Variants in ARFGEF2 observed in about 807,000 individuals in gnomAD.
ARFGEF2 encodes the protein brefeldin A-inhibited guanine nucleotide-exchange protein 2.
In ARFGEF2, 74 loss-of-function variants were observed where a neutral mutation model predicts 219.9. The ratio of observed to expected loss-of-function variants is 0.34; its 90% CI spans 0.28 to 0.41. The LOEUF (loss-of-function observed/expected upper bound fraction) is 0.41, where lower values mean the gene tolerates loss of function less well. Among genes scored for constraint, ARFGEF2 ranks in the 10% least tolerant of loss-of-function variants. The pLI is 1.00. For synonymous variants in ARFGEF2, 733 were observed against 799.2 expected (o/e 0.92, Z 1.40); for missense variants, 1,743 against 2,218.3 (o/e 0.79, Z 4.30).
intron 19 of ARFGEF2, 31 bp downstream of exon 19, chr20:48,989,467 G>T (rs1035140683): frequency 1.2e-6 from 2 of 1,614,174 alleles, no homozygotes. Flanking sequence ...GCAAGCATGT[G>T]GCTAAGCCTG....
At chr20:49,003,846 T>A (rs945501258) in intron 25 of ARFGEF2, among the ~76,000 whole-genome samples, 3 of 152,110 alleles carry the variant, frequency 2.0e-5, no homozygotes, top group Admixed American at 2.0e-4. Flanking sequence ...CAAGTACAAT[T>A]TTTAAGGAAA....
At chr20:48,939,612 G>A (rs57695368) in intron 1 of ARFGEF2, among the ~76,000 whole-genome samples, 6,958 of 152,226 alleles carry the variant, frequency 0.046, 487 homozygotes, top group African/African-American at 0.15. Flanking sequence ...TCCCTGAGGG[G>A]CAAGATCCAT....
At chr20:48,985,016 T>C (rs544284693) in intron 15 of ARFGEF2, 176 bp downstream of exon 15, 3 of 678,216 alleles carry the variant, frequency 4.4e-6, no homozygotes, top group Non-Finnish European at 5.5e-6. Flanking sequence ...TCCCGTTGGC[T>C]AGTGTTGCAG....
chr20:49,027,726 G>A (rs944319851), intron 36 of ARFGEF2, among the ~76,000 whole-genome samples: 1 of 149,028 alleles, frequency 6.7e-6, no homozygotes, highest in African/African-American at 2.5e-5. Context: ...ATGAAGAACA[G>A]TACAGGGCAT....
At chr20:48,933,657 G>A (rs2090928097) in intron 1 of ARFGEF2, among the ~76,000 whole-genome samples, 1 of 152,090 alleles carries the variant, frequency 6.6e-6, no homozygotes, top group African/African-American at 2.4e-5. Flanking sequence ...CAAGAGAACT[G>A]ACATTTATTG....
chr20:48,972,664 G>A (rs992995821), intron 11 of ARFGEF2, among the ~76,000 whole-genome samples: 5 of 152,112 alleles, frequency 3.3e-5, no homozygotes, highest in African/African-American at 2.4e-5. Context: ...CCCTAATCTC[G>A]TCAAACTGGG....
Position 48,971,312 on chromosome 20 carries a change from T to C in ARFGEF2, c.1383T>C (p.Thr461=), listed in dbSNP as rs138430389. 3.7e-6 allele frequency: 6 copies of C among 1,614,092 alleles called. No individual in the cohort carries two copies. In the African/African-American group the frequency reaches 4.0e-5, roughly 11 times the overall value. Reference sequence around the variant, plus strand: ...AGCTCTCTCTTGCCATTTTTCTTACTCTTCTTTCAAACTTTAAAATGCACT... The same window carrying C: ...AGCTCTCTCTTGCCATTTTTCTTACCCTTCTTTCAAACTTTAAAATGCACT... The part of the protein sequence containing the change: ...VFELSLAIFL[T]LLSNFKMHLK... Residue 461 remains threonine, a synonymous_variant, in exon 10 of 39, where the codon ACT becomes ACC. Transcript: ENST00000371917.
At chr20:48,935,766 G>C (rs1355577985) in intron 1 of ARFGEF2, among the ~76,000 whole-genome samples, 21 of 147,718 alleles carry the variant, frequency 1.4e-4, no homozygotes, top group African/African-American at 4.7e-4. Flanking sequence ...CTGGCTGGGC[G>C]GGGGGCTGAC....
At position 49,010,398 on chromosome 20, in the gene ARFGEF2, A is replaced by G. The variant is rs570016433; in HGVS notation, c.3751A>G (p.Ile1251Val). The change falls in exon 27 of 39, where the codon ATT becomes GTT. Residue 1251 changes from isoleucine to valine, a missense_variant. By Grantham distance (29) the Ile-to-Val change is conservative. This residue lies in a region of ARFGEF2 where 578 missense variants were observed against 664.0 expected (regional missense o/e 0.87). Coordinates refer to ENST00000371917, the MANE Select transcript of ARFGEF2 (RefSeq NM_006420.3). ...VELAFQTTCH[I>V]VTTIFQHHFP... ...GCTGGCCTTCCAGACCACTTGCCAC[A>G]TTGTCAGTAAGTGGCTCTGTTCCCT... The G allele has an allele frequency of 3.7e-6, 6 of 1,613,824 alleles. No homozygotes were observed. The highest frequency in any genetic ancestry group is 3.4e-6 in the Non-Finnish European group (4 of 1,180,022).
At chr20:48,974,683 A>C in intron 12 of ARFGEF2, 83 bp from the exon 13 acceptor site, 1 of 1,054,774 alleles carries the variant, frequency 9.5e-7, no homozygotes, top group Admixed American at 2.0e-5. Flanking sequence ...TCTTAGCCTC[A>C]CTGGGGTCCC....
intron 28 of ARFGEF2, among the ~76,000 whole-genome samples, chr20:49,013,124 C>A (rs2091510662): frequency 6.6e-6 from 1 of 152,108 alleles, no homozygotes. Context: ...AATTGTTAAT[C>A]CATGAAAAGA....
chr20:48,924,135 T>C (rs140404700), intron 1 of ARFGEF2, among the ~76,000 whole-genome samples: 2 of 152,204 alleles, frequency 1.3e-5, no homozygotes, highest in East Asian at 3.9e-4. Context: ...TTACTTAGAG[T>C]AGAACACATA....
intron 6 of ARFGEF2, among the ~76,000 whole-genome samples, chr20:48,961,083 T>TATAATAATAATAATA (rs371551603): frequency 0.12 from 16,766 of 143,740 alleles, 1,220 homozygotes; most frequent in East Asian, 0.29. Context: ...TGTCTCAAAA[T>TATAATAATAATAATA]ATAATAATAA....
chr20:48,971,087 A>C (rs2091224293), intron 9 of ARFGEF2, 33 bp from the exon 10 acceptor site: 1 of 1,572,716 alleles, frequency 6.4e-7, no homozygotes, highest in African/African-American at 1.3e-5. Context: ...TTTTTCTTTT[A>C]GCACTGTTGT....
intron 36 of ARFGEF2, among the ~76,000 whole-genome samples, chr20:49,027,280 G>T (rs1443926959): frequency 6.6e-6 from 1 of 151,966 alleles, no homozygotes; most frequent in African/African-American, 2.4e-5. Context: ...TGATCCACCT[G>T]CCTTGGCCTC....
chr20:49,013,089 A>G (rs1600545514), intron 28 of ARFGEF2, among the ~76,000 whole-genome samples: 1 of 152,116 alleles, frequency 6.6e-6, no homozygotes, highest in Non-Finnish European at 1.5e-5. Flanking sequence ...CATTGTTTCT[A>G]CCTGCCACTT....
intron 23 of ARFGEF2, among the ~76,000 whole-genome samples, chr20:48,996,180 C>T (rs1470775799): frequency 1.3e-5 from 2 of 152,084 alleles, no homozygotes; most frequent in Non-Finnish European, 2.9e-5. Flanking sequence ...GATTAAAAGC[C>T]TACCCATGCT....
At chr20:48,938,302 C>T (rs73264221) in intron 1 of ARFGEF2, among the ~76,000 whole-genome samples, 8,300 of 152,304 alleles carry the variant, frequency 0.054, 694 homozygotes, top group African/African-American at 0.18. Flanking sequence ...TTAGCCCCTG[C>T]AGCTACTTTT....
chr20:49,028,228 A>G (rs1444014494), intron 36 of ARFGEF2, among the ~76,000 whole-genome samples: 1 of 152,094 alleles, frequency 6.6e-6, no homozygotes, highest in African/African-American at 2.4e-5. Context: ...ATTGCACTCC[A>G]GCCTGGGCAA....
Sources: allele counts gnomAD v4.1 joint callset (sites outside exome capture counted in the v4.1 genomes callset), GRCh38; gene constraint gnomAD v4.1.1; regional missense constraint gnomAD v4.1.1; transcripts MANE v1.5; gene names NCBI Gene and HGNC (gene_info 2026-07-23, HGNC 2026-07-21).